BAHCC1: variants seen among roughly 807,000 people sequenced by gnomAD.
BAHCC1 encodes the protein BAH domain and coiled-coil containing 1, also known as BAH and coiled-coil domain-containing protein 1.
In BAHCC1, 43 loss-of-function variants were observed where a neutral mutation model predicts 88.2. The observed-to-expected ratio is 0.49, with a 90% CI of 0.38 to 0.63. The LOEUF (loss-of-function observed/expected upper bound fraction) is 0.63, where lower values mean the gene tolerates loss of function less well. Ranked by LOEUF, BAHCC1 falls within the 20% of genes least tolerant of loss-of-function variation. BAHCC1 has a pLI of 0.00. For missense variants in BAHCC1, 3,023 were observed against 1,654.8 expected, an observed-to-expected ratio of 1.83 and a Z score of -14.34; for synonymous variants, 1,510 against 745.5, an observed-to-expected ratio of 2.03 and a Z score of -16.71.
Position 81,399,927 on chromosome 17 carries a change from C to T in BAHCC1, c.178+10C>T. 6 of 1,362,110 alleles carry T rather than the reference C, an allele frequency of 4.4e-6. No homozygotes were observed. The South Asian group carries it at 5.2e-5, about 12-fold the overall frequency. 84.4% of individuals were successfully genotyped at this position (1,362,110 alleles called of 1,614,324 possible). A position where few individuals can be genotyped will look rare whatever the true frequency, so the allele number is the denominator to read the frequency against. ...ATGGCTTCGCACACAGGTCAGTGCT[C>T]GGCCGGGGCGGGCGCGGGACGGGAG... On this transcript the variant is annotated intron_variant, in intron 2 of 27. Coordinates refer to ENST00000675386, the MANE Select transcript of BAHCC1 (RefSeq NM_001377448.1). This position sits in a 1 kb window ranked among gnomAD's most constrained non-coding sequence, Gnocchi z 4.5.
At position 81,438,229 on chromosome 17, in the gene BAHCC1, T is replaced by G. The variant is rs1555651989; in HGVS notation, c.359-141T>G. The G allele has an allele frequency of 4.7e-6, 3 of 642,244 alleles. No individual in the cohort carries two copies. The African/African-American group carries it at 5.4e-5, about 12-fold the overall frequency. The allele number at this position is 642,244 out of a possible 1,614,324, so 39.8% of individuals were successfully genotyped here. On this transcript the variant is annotated intron_variant, in intron 3 of 27. Transcript: ENST00000675386. Reference sequence around the variant, plus strand: ...TAATATGATGTATTGATGGGTTGATTTCCCCCCGGCGGCTGCGTGCTGGGC... The same window carrying G: ...TAATATGATGTATTGATGGGTTGATGTCCCCCCGGCGGCTGCGTGCTGGGC...
At chr17:81,421,967 C>G (rs374666102) in intron 2 of BAHCC1, 1 of 417,706 alleles carries the variant, frequency 2.4e-6, no homozygotes, top group Admixed American at 2.8e-5. Flanking sequence ...AACGCTCATG[C>G]GAGGGCCTCA....
intron 2 of BAHCC1, chr17:81,402,886 TGGGAGCTTTAGACTC>T (rs1278976040): frequency 6.6e-6 from 1 of 152,260 alleles, no homozygotes; most frequent in African/African-American, 2.4e-5. Flanking sequence ...ATGAAAGTGC[TGGGAGCTTTAGACTC>T]GGGCCGCAGG....
chr17:81,410,106 G>T (rs949288528), intron 2 of BAHCC1: 9 of 338,066 alleles, frequency 2.7e-5, no homozygotes, highest in African/African-American at 1.5e-4. Context: ...GGGACTGGGG[G>T]ATGCAGTTGT....
At chr17:81,446,262 G>T (rs143303525) in intron 10 of BAHCC1, among the ~76,000 whole-genome samples, 1 of 152,090 alleles carries the variant, frequency 6.6e-6, no homozygotes, top group Non-Finnish European at 1.5e-5. Flanking sequence ...GGGTTTTTCC[G>T]TTTTTTTCCC....
rs1245438601 is a variant in BAHCC1, at chr17:81,462,833, C to T, written c.7477C>T (p.Leu2493=). Reference sequence around the variant, plus strand: ...GCGTGTCGGGGACTGTGCCGTCTTCCTGTCAGCTGGGCGGCCCAACCTCCC... The same window carrying T: ...GCGTGTCGGGGACTGTGCCGTCTTCTTGTCAGCTGGGCGGCCCAACCTCCC... ...TLRVGDCAVF[L]SAGRPNLPYI... Residue 2493 remains leucine (L), a synonymous_variant, in exon 27 of 28, where the codon CTG becomes TTG. Transcript: ENST00000675386. 2 of 780,768 alleles carry T rather than the reference C, an allele frequency of 2.6e-6. No individual in the cohort carries two copies. Among genetic ancestry groups the T allele is most frequent in the East Asian group, 2.4e-5 (1 of 41,266 alleles). The allele number at this position is 780,768 out of a possible 1,614,324, so 48.4% of individuals were successfully genotyped here. A position where few individuals can be genotyped will look rare whatever the true frequency, so the allele number is the denominator to read the frequency against.
In BAHCC1 at chr17:81,463,949, A is replaced by T; in HGVS notation, c.*132A>T. ...TCTGAGCAAATATGCAAAAGCCCACAGGGCAAGACCCAGGCTTTCTTACGG... is the reference window on the plus strand; with the variant it reads ...TCTGAGCAAATATGCAAAAGCCCACTGGGCAAGACCCAGGCTTTCTTACGG... On this transcript the variant is annotated 3_prime_UTR_variant, in exon 28 of 28. Transcript: ENST00000675386. The T allele has an allele frequency of 1.6e-6, 1 of 629,070 alleles. No homozygotes were observed. Among genetic ancestry groups the T allele is most frequent in the Non-Finnish European group, 2.9e-6 (1 of 350,872 alleles). 39.0% of individuals were successfully genotyped at this position (629,070 alleles called of 1,614,324 possible).
At chr17:81,458,769 A>C (rs537269058) in intron 19 of BAHCC1, 44 bp downstream of exon 19, 1 of 751,204 alleles carries the variant, frequency 1.3e-6, no homozygotes, top group East Asian at 2.5e-5. Flanking sequence ...ACCCACCTGC[A>C]CCCCGCCTGC....
At chr17:81,460,797 G>C (rs985261292) in intron 25 of BAHCC1, 69 bp from the exon 26 acceptor site, 3 of 770,374 alleles carry the variant, frequency 3.9e-6, no homozygotes, top group Non-Finnish European at 7.2e-6. Context: ...GGCAGGGTCC[G>C]GGGAGGGGCA....
Position 81,442,176 on chromosome 17 carries a change from GC to G in BAHCC1, c.831del (p.Lys278SerfsTer22). 1 of 653,900 alleles carries G rather than the reference GC, an allele frequency of 1.5e-6. No homozygotes were observed. The highest frequency in any genetic ancestry group is 2.8e-6 in the Non-Finnish European group (1 of 362,386). The allele number at this position is 653,900 out of a possible 1,614,324, so 40.5% of individuals were successfully genotyped here. A position where few individuals can be genotyped will look rare whatever the true frequency, so the allele number is the denominator to read the frequency against. On this transcript the variant is annotated frameshift_variant, in exon 5 of 28. Coordinates refer to ENST00000675386, the MANE Select transcript of BAHCC1 (RefSeq NM_001377448.1). LOFTEE classifies it high-confidence loss of function. ...GPAPRGACEGRPKHLTSCLLN... is the reference protein window; with the variant it reads ...GPAPRGACEGXPKHLTSCLLN... ...GCACCCCGAGGGGCCTGCGAGGGCC[GC>G]CCCAAGCACCTCACCTCCTGCCTCC...
intron 6 of BAHCC1, 27 bp downstream of exon 6, chr17:81,443,944 G>C: frequency 1.4e-6 from 1 of 706,270 alleles, no homozygotes; most frequent in Non-Finnish European, 2.6e-6. Flanking sequence ...TGGCCCTGGA[G>C]AGTGGGGCTA....
intron 2 of BAHCC1, among the ~76,000 whole-genome samples, chr17:81,405,607 C>T (rs572919942): frequency 1.3e-5 from 2 of 152,314 alleles, no homozygotes; most frequent in Admixed American, 6.5e-5. Context: ...GTCCATGTCC[C>T]TGGGCTGGGA....
rs782463831 is a variant in BAHCC1 at position 81,458,646 on chromosome 17, C to G, written c.5369C>G (p.Thr1790Arg). 1 of 719,050 alleles carries G rather than the reference C, an allele frequency of 1.4e-6. No homozygotes were observed. The allele number at this position is 719,050 out of a possible 1,614,324, so 44.5% of individuals were successfully genotyped here. A position where few individuals can be genotyped will look rare whatever the true frequency, so the allele number is the denominator to read the frequency against. The change falls in exon 19 of 28, where the codon ACG becomes AGG. Residue 1790 changes from threonine to arginine, a missense_variant. Transcript: ENST00000675386. ...CGGAAGAACGGGGCCCTGTCCATCACGCTGGCCACACGCAACGCCAAGGCC... is the reference window on the plus strand; with the variant it reads ...CGGAAGAACGGGGCCCTGTCCATCAGGCTGGCCACACGCAACGCCAAGGCC... ...LRRKNGALSI[T>R]LATRNAKAIL...
intron 16 of BAHCC1, 112 bp from the exon 17 acceptor site, chr17:81,457,298 C>T (rs1555657550): frequency 1.5e-6 from 1 of 650,612 alleles, no homozygotes; most frequent in Non-Finnish European, 2.8e-6. Context: ...GTGACGGTGA[C>T]CAGCTCCACT....
chr17:81,458,532 C>CCTTCCCCGCA lies in BAHCC1; in HGVS notation c.5343+68_5343+69insTCCCCGCACT, dbSNP rs1555658119. On this transcript the variant is annotated intron_variant, in intron 18 of 27. Coordinates refer to ENST00000675386, the MANE Select transcript of BAHCC1 (RefSeq NM_001377448.1). ...GCCTGTGAGGAAAGGCCTTCCCCGCCCTCCCCCGCACGCTGGCCCCTGAGC... is the reference window on the plus strand; with the variant it reads ...GCCTGTGAGGAAAGGCCTTCCCCGCCCTTCCCCGCACTCCCCCGCACGCTGGCCCCTGAGC... 3 of 646,794 alleles carry CCTTCCCCGCA rather than the reference C, an allele frequency of 4.6e-6. No homozygotes were observed. In the African/African-American group the frequency reaches 5.4e-5, roughly 12 times the overall value. The allele number at this position is 646,794 out of a possible 1,614,324, so 40.1% of individuals were successfully genotyped here.
chr17:81,408,940 C>A (rs1410408716), intron 2 of BAHCC1, among the ~76,000 whole-genome samples: 2 of 152,238 alleles, frequency 1.3e-5, no homozygotes, highest in African/African-American at 4.8e-5. Flanking sequence ...TGCATAAGTG[C>A]CCATCCACGC....
rs1287728899 is a variant in BAHCC1 at position 81,438,461 on chromosome 17, T to C, written c.450T>C (p.Tyr150=). The C allele has an allele frequency of 1.3e-6, 1 of 775,198 alleles. No homozygotes were observed. Among genetic ancestry groups the C allele is most frequent in the Non-Finnish European group, 2.4e-6 (1 of 415,986 alleles). The allele number at this position is 775,198 out of a possible 1,614,324, so 48.0% of individuals were successfully genotyped here. Residue 150 remains tyrosine, a synonymous_variant, in exon 4 of 28, where the codon TAT becomes TAC. Coordinates refer to ENST00000675386, the MANE Select transcript of BAHCC1 (RefSeq NM_001377448.1). ...ACCATGGAAACAGCAACGTTCTCTATGGGCAGCACCGTTTCTATGGAACCC... is the reference window on the plus strand; with the variant it reads ...ACCATGGAAACAGCAACGTTCTCTACGGGCAGCACCGTTTCTATGGAACCC... The part of the protein sequence containing the change: ...LDHHGNSNVL[Y]GQHRFYGTQK...
intron 1 of BAHCC1, chr17:81,396,863 C>A (rs956261489): frequency 3.3e-5 from 5 of 152,658 alleles, no homozygotes; most frequent in African/African-American, 7.2e-5. Context: ...CCGGGGCCCT[C>A]TGCCCGCCGC....
In BAHCC1 at chr17:81,448,599, G is replaced by T. The variant is rs142835368; in HGVS notation, c.3976+751G>T. ...ACGGCGCCGTGGTTGTTGATAGCAC[G>T]AAGCTGACAGTCTTCAGGGCTCGGC... On this transcript the variant is annotated intron_variant, in intron 11 of 27. Coordinates refer to ENST00000675386, the MANE Select transcript of BAHCC1 (RefSeq NM_001377448.1). 6.8e-3 allele frequency among the ~76,000 whole-genome samples: 1,036 copies of T among 152,334 alleles called. 15 individuals are homozygous for T. The highest frequency in any genetic ancestry group is 0.021 in the African/African-American group (869 of 41,572).
Sources: allele counts gnomAD v4.1 joint callset (sites outside exome capture counted in the v4.1 genomes callset), GRCh38; gene constraint gnomAD v4.1.1; non-coding constraint Gnocchi (gnomAD v3.1); transcripts MANE v1.5; gene names NCBI Gene and HGNC (gene_info 2026-07-23, HGNC 2026-07-21).